Variants in CACNA1H observed in about 807,000 individuals in gnomAD.
CACNA1H encodes calcium voltage-gated channel subunit alpha1 H.
A neutral mutation model predicts 192.5 loss-of-function variants in CACNA1H; 149 were observed. The observed-to-expected ratio is 0.77, with a 90% confidence interval of 0.68 to 0.89. The LOEUF (loss-of-function observed/expected upper bound fraction) is 0.89. Among genes scored for constraint, CACNA1H ranks in the 40% least tolerant of loss-of-function variants. CACNA1H has a pLI of 0.00. For missense variants in CACNA1H, 4,257 were observed against 3,423.5 expected, an observed-to-expected ratio of 1.24 and a Z score of -6.08; for synonymous variants, 2,202 against 1,475.2, an observed-to-expected ratio of 1.49 and a Z score of -11.29.
intron 5 of CACNA1H, 144 bp from the exon 6 acceptor site, chr16:1,198,470 CA>C: frequency 1.2e-6 from 1 of 816,664 alleles, no homozygotes; most frequent in Admixed American, 2.3e-5. Context: ...GGAAAATCAC[CA>C]GGGGGTGGCC....
intron 28 of CACNA1H, 51 bp from the exon 29 acceptor site, chr16:1,215,191 T>A (rs1274852125): frequency 6.3e-7 from 1 of 1,583,472 alleles, no homozygotes; most frequent in East Asian, 2.3e-5. Flanking sequence ...GCAACGCTGC[T>A]GAGCCGAGGC....
chr16:1,218,045 C>T lies in CACNA1H; in HGVS notation c.5445+5C>T, dbSNP rs963438880. On this transcript the variant is annotated splice_donor_5th_base_variant and intron_variant, in intron 32 of 34. Coordinates refer to ENST00000348261, the MANE Select transcript of CACNA1H (RefSeq NM_021098.3). ...AACTGGAACGGGATCATGAAGGTAC[C>T]CGCCGCGGCCATGCCTCTGGCACCT... 4 of 1,596,918 alleles carry T rather than the reference C, an allele frequency of 2.5e-6. No individual in the cohort carries two copies. Among genetic ancestry groups the T allele is most frequent in the Non-Finnish European group, 2.6e-6 (3 of 1,171,648 alleles).
At position 1,220,594 on chromosome 16, in the gene CACNA1H, C is replaced by G. The variant is rs765757800; in HGVS notation, c.6662C>G (p.Pro2221Arg). The G allele has an allele frequency of 1.3e-6, 2 of 1,554,494 alleles. No individual in the cohort carries two copies. The highest frequency in any genetic ancestry group is 4.1e-5 in the Admixed American group (2 of 48,400). Reference protein sequence around the residue: ...GGSTTLRRRTPSCEATPHRDS... With the variant: ...GGSTTLRRRTRSCEATPHRDS... ...AGCACCACACTGAGGCGCAGGACCC[C>G]GTCCTGTGAGGCCACGCCTCACAGG... Residue 2221 changes from proline (P) to arginine (R), a missense_variant, in exon 35 of 35, where the codon CCG (proline) becomes CGG (arginine). By Grantham distance (103) the Pro-to-Arg change is moderately radical. Coordinates refer to ENST00000348261, the MANE Select transcript of CACNA1H (RefSeq NM_021098.3).
intron 2 of CACNA1H, among the ~76,000 whole-genome samples, chr16:1,172,406 C>A (rs1360476923): frequency 6.6e-6 from 1 of 152,164 alleles, no homozygotes; most frequent in Non-Finnish European, 1.5e-5. Context: ...GGCGTCCTCC[C>A]CTCTTAGACG....
At chr16:1,194,074 G>A (rs575775147) in intron 2 of CACNA1H, among the ~76,000 whole-genome samples, 76 of 152,186 alleles carry the variant, frequency 5.0e-4, no homozygotes, top group Non-Finnish European at 8.5e-4. Flanking sequence ...AGGGGGAGCC[G>A]TGGGCGCTGA....
In CACNA1H at chr16:1,167,078, T is replaced by C. The variant is rs1963863097; in HGVS notation, c.299+13042T>C. ...TCCCTGAGTGGTGGTTCAGCAGCAGTGAGTGCTGACAACCACACCCAGCCG... is the reference window on the plus strand; with the variant it reads ...TCCCTGAGTGGTGGTTCAGCAGCAGCGAGTGCTGACAACCACACCCAGCCG... On this transcript the variant is annotated intron_variant, in intron 2 of 34. Transcript: ENST00000348261. This position sits in a 1 kb window ranked among gnomAD's most constrained non-coding sequence, Gnocchi z 4.2. 6.6e-6 allele frequency among the ~76,000 whole-genome samples: 1 copy of C among 152,160 alleles called. No individual in the cohort carries two copies. The highest frequency in any genetic ancestry group is 2.4e-5 in the African/African-American group (1 of 41,450).
chr16:1,218,263 G>A lies in CACNA1H; in HGVS notation c.5499G>A (p.Pro1833=), dbSNP rs752720980. ...REDKHCLSYL[P]ALSPVYFVTF... is the part of the protein sequence containing the mutation. ...ACAAGCACTGCCTGAGCTACCTGCC[G>A]GCCCTGTCGCCCGTCTACTTCGTGA... Residue 1833 remains proline (P), a synonymous_variant, in exon 33 of 35, where the codon CCG becomes CCA. Coordinates refer to ENST00000348261, the MANE Select transcript of CACNA1H (RefSeq NM_021098.3). 2.1e-5 allele frequency: 33 copies of A among 1,551,260 alleles called. No homozygotes were observed. In the East Asian group the frequency reaches 4.2e-4, roughly 20 times the overall value.
chr16:1,207,126 C>G lies in CACNA1H; in HGVS notation c.2907+8C>G, dbSNP rs374392186. The G allele has an allele frequency of 4.4e-5, 69 of 1,574,612 alleles. No homozygotes were observed. The highest frequency in any genetic ancestry group is 5.7e-5 in the Non-Finnish European group (66 of 1,159,242). On this transcript the variant is annotated splice_region_variant and intron_variant, in intron 13 of 34. Coordinates refer to ENST00000348261, the MANE Select transcript of CACNA1H (RefSeq NM_021098.3). ...ATCGTCACCGTGTTCCAGGTAGTGC[C>G]CGGGGTCCCCGCAGCAGTGTTGGGT...
chr16:1,181,102 G>C (rs1472821205), intron 2 of CACNA1H, among the ~76,000 whole-genome samples: 2 of 152,222 alleles, frequency 1.3e-5, no homozygotes, highest in African/African-American at 4.8e-5. Flanking sequence ...GAGAATTCCA[G>C]CTCGGAGCAG....
At position 1,193,391 on chromosome 16, in the gene CACNA1H, G is replaced by T. The variant is rs563632702; in HGVS notation, c.300-1581G>T. 2.6e-5 allele frequency among the ~76,000 whole-genome samples: 4 copies of T among 152,374 alleles called. No homozygotes were observed. In the East Asian group the frequency reaches 7.7e-4, roughly 29 times the overall value. The stretch of plus-strand genomic sequence containing the variant: ...GGCCTGGCACGGCTTCCACAGCAGG[G>T]CCTCGGCTCCTGCCCCCACCACCTT... On this transcript the variant is annotated intron_variant, in intron 2 of 34. Coordinates refer to ENST00000348261, the MANE Select transcript of CACNA1H (RefSeq NM_021098.3).
rs1366093522 is a variant in CACNA1H at position 1,212,685 on chromosome 16, A to G, written c.4777+157A>G. 2.6e-5 allele frequency among the ~76,000 whole-genome samples: 4 copies of G among 152,140 alleles called. No homozygotes were observed. In the East Asian group the frequency reaches 7.7e-4, roughly 29 times the overall value. On this transcript the variant is annotated intron_variant, in intron 26 of 34. Coordinates refer to ENST00000348261, the MANE Select transcript of CACNA1H (RefSeq NM_021098.3). ...TGAGGAGGGGCTGCGCTCGCCCGCC[A>G]GTGTCCGGGCTGCTGTGTGCGTGCA...
chr16:1,218,689 AGCAGGACAG>A (rs1382250188), intron 33 of CACNA1H, 38 bp downstream of exon 33: 3 of 1,411,788 alleles, frequency 2.1e-6, no homozygotes, highest in Non-Finnish European at 2.9e-6. Flanking sequence ...CTGGGTGGGA[AGCAGGACAG>A]GGAGGAAGAT....
intron 9 of CACNA1H, 43 bp downstream of exon 9, chr16:1,202,495 A>G (rs764577496): frequency 3.5e-6 from 5 of 1,438,382 alleles, no homozygotes; most frequent in Non-Finnish European, 2.7e-6. Flanking sequence ...GGTGGGACCT[A>G]GGCAGGGCGG....
intron 2 of CACNA1H, among the ~76,000 whole-genome samples, chr16:1,170,517 C>G (rs1206341330): frequency 2.6e-5 from 4 of 152,202 alleles, no homozygotes; most frequent in Non-Finnish European, 5.9e-5. Flanking sequence ...ACCCCGACAC[C>G]GGCCTGCGGA....
In CACNA1H at chr16:1,219,814, C is replaced by T. The variant is rs747690887; in HGVS notation, c.6049-167C>T. ...TCACAGGTCAGGAGTGAGACTAGGA[C>T]GTCCACACCAGCGGCTTCCAGCCCC... On this transcript the variant is annotated intron_variant, in intron 34 of 34. Coordinates refer to ENST00000348261, the MANE Select transcript of CACNA1H (RefSeq NM_021098.3). 8.5e-4 allele frequency among the ~76,000 whole-genome samples: 129 copies of T among 152,278 alleles called. 1 individual carries two copies. Among genetic ancestry groups the T allele is most frequent in the Middle Eastern group, 3.4e-3 (1 of 294 alleles).
Position 1,202,426 on chromosome 16 carries a change from A to C in CACNA1H, c.1976A>C (p.Lys659Thr). ...TTGAACAGCCCTGATCCCTACGAGA[A>C]GATCCCGCATGTGGTCGGGGAGCAT... ...LSLNSPDPYEKIPHVVGEHGL... is the reference protein window; with the variant it reads ...LSLNSPDPYETIPHVVGEHGL... Residue 659 changes from lysine to threonine, a missense_variant, in exon 9 of 35, where the codon AAG (lysine) becomes ACG (threonine). Coordinates refer to ENST00000348261, the MANE Select transcript of CACNA1H (RefSeq NM_021098.3). 6.6e-7 allele frequency: 1 copy of C among 1,512,428 alleles called. No homozygotes were observed. The highest frequency in any genetic ancestry group is 8.9e-7 in the Non-Finnish European group (1 of 1,126,060). The allele number at this position is 1,512,428 out of a possible 1,614,324, so 93.7% of individuals were successfully genotyped here. A position where few individuals can be genotyped will look rare whatever the true frequency, so the allele number is the denominator to read the frequency against.
chr16:1,200,006 A>C (rs1313460323), intron 6 of CACNA1H, among the ~76,000 whole-genome samples: 3 of 151,528 alleles, frequency 2.0e-5, no homozygotes, highest in African/African-American at 7.3e-5. Flanking sequence ...GGCTGAGGAG[A>C]GTGTGGTTTC....
intron 5 of CACNA1H, among the ~76,000 whole-genome samples, chr16:1,196,642 A>G (rs1292587722): frequency 6.6e-6 from 1 of 152,188 alleles, no homozygotes; most frequent in East Asian, 1.9e-4. Context: ...AAGGCTGGAA[A>G]TCCTTCAGGA....
rs570035260 is a variant in CACNA1H, at chr16:1,211,409, C to G, written c.4351-72C>G. ...GGGGAGGGACAGCTCGGGCCTCACTCGCGCCCCAGGAAGTCCGGTGTGGGG... is the reference window on the plus strand; with the variant it reads ...GGGGAGGGACAGCTCGGGCCTCACTGGCGCCCCAGGAAGTCCGGTGTGGGG... On this transcript the variant is annotated intron_variant, in intron 22 of 34. Coordinates refer to ENST00000348261, the MANE Select transcript of CACNA1H (RefSeq NM_021098.3). 89 of 1,606,816 alleles carry G rather than the reference C, an allele frequency of 5.5e-5. 1 individual carries two copies. In the Middle Eastern group the frequency reaches 2.0e-3, roughly 36 times the overall value.
Sources: allele counts gnomAD v4.1 joint callset (sites outside exome capture counted in the v4.1 genomes callset), GRCh38; gene constraint gnomAD v4.1.1; non-coding constraint Gnocchi (gnomAD v3.1); transcripts MANE v1.5; gene names NCBI Gene and HGNC (gene_info 2026-07-23, HGNC 2026-07-21).